Variants in LYRM7 observed in about 807,000 individuals in gnomAD.
LYRM7 encodes LYR motif containing 7, also known as complex III assembly factor LYRM7.
In LYRM7, 9 loss-of-function variants were observed where a neutral mutation model predicts 15.8. That is an observed-to-expected ratio of 0.57 (90% confidence interval 0.34 to 0.99). The LOEUF (loss-of-function observed/expected upper bound fraction) is 0.99, where lower values mean the gene tolerates loss of function less well. Among genes scored for constraint, LYRM7 ranks in the 50% least tolerant of loss-of-function variants. LYRM7 has a pLI of 0.02. For synonymous variants in LYRM7, 39 were observed against 39.4 expected, an observed-to-expected ratio of 0.99 and a Z score of 0.04; for missense variants, 115 against 119.1, an observed-to-expected ratio of 0.97 and a Z score of 0.16.
intron 3 of LYRM7, among the ~76,000 whole-genome samples, chr5:131,185,754 C>G (rs561403435): frequency 6.6e-6 from 1 of 152,262 alleles, no homozygotes; most frequent in South Asian, 2.1e-4. Context: ...GATTACACCA[C>G]TGCACTCCAG....
Position 131,203,405 on chromosome 5 carries a change from C to T in LYRM7, c.*3804C>T, listed in dbSNP as rs959525653. On this transcript the variant is annotated 3_prime_UTR_variant, in exon 5 of 5. Transcript: ENST00000379380. ...CTGGAGATGACAGTTTTTCAAAAAT[C>T]TATTGAGGCCAGGTGCAGTGGCCCA... The T allele has an allele frequency of 2.6e-5, 4 of 152,184 alleles. No individual in the cohort carries two copies. Among genetic ancestry groups the T allele is most frequent in the African/African-American group, 9.7e-5 (4 of 41,448 alleles). The allele number at this position is 152,184 out of a possible 1,614,324, so 9.4% of individuals were successfully genotyped here.
At chr5:131,199,505 T>G in intron 4 of LYRM7, 26 bp from the exon 5 acceptor site, 1 of 1,508,364 alleles carries the variant, frequency 6.6e-7, no homozygotes, top group Non-Finnish European at 9.0e-7. Context: ...TGATGTTAAT[T>G]ATTCTCTTTT....
Position 131,175,749 on chromosome 5 carries a change from G to GGTTTGGTTTTGTTTTGTTTTGTTTT in LYRM7, c.19-4342_19-4341insGGTTTTGTTTTGTTTTGTTTTGTTT, listed in dbSNP as rs138957867. On this transcript the variant is annotated intron_variant, in intron 1 of 4. Coordinates refer to ENST00000379380, the MANE Select transcript of LYRM7 (RefSeq NM_181705.4). ...AGGGTTTGGCCATGTTGCCCAGGCT[G>GGTTTGGTTTTGTTTTGTTTTGTTTT]GTTTTGTTTTGTTTTGTTTTGTTTT... Among the ~76,000 whole-genome samples the GGTTTGGTTTTGTTTTGTTTTGTTTT allele has an allele frequency of 2.2e-3, 335 of 151,108 alleles. 2 individuals are homozygous for GGTTTGGTTTTGTTTTGTTTTGTTTT. Among genetic ancestry groups the GGTTTGGTTTTGTTTTGTTTTGTTTT allele is most frequent in the African/African-American group, 7.2e-3 (295 of 40,808 alleles).
chr5:131,175,012 G>A (rs1755576318), intron 1 of LYRM7, among the ~76,000 whole-genome samples: 1 of 152,080 alleles, frequency 6.6e-6, no homozygotes, highest in African/African-American at 2.4e-5. Context: ...ATTTTGAAAG[G>A]AATCTTTTTT....
chr5:131,193,927 T>C lies in LYRM7; in HGVS notation c.245-5604T>C, dbSNP rs57048051. On this transcript the variant is annotated intron_variant, in intron 4 of 4. Transcript: ENST00000379380. ...AGGAGGCTGAGGCAGGAGAATCGCT[T>C]GAACCCGGGAGGCGGAGGTTGCAGT... Among the ~76,000 whole-genome samples the C allele has an allele frequency of 7.9e-3, 1,201 of 152,188 alleles. 17 individuals carry two copies. The highest frequency in any genetic ancestry group is 0.027 in the African/African-American group (1,112 of 41,536).
chr5:131,204,768 G>T lies in LYRM7; in HGVS notation c.*5167G>T, dbSNP rs1756147466. The T allele has an allele frequency of 6.6e-6, 1 of 151,490 alleles. No homozygotes were observed. The highest frequency in any genetic ancestry group is 1.5e-5 in the Non-Finnish European group (1 of 67,946). 9.4% of individuals were successfully genotyped at this position (151,490 alleles called of 1,614,324 possible). A position where few individuals can be genotyped will look rare whatever the true frequency, so the allele number is the denominator to read the frequency against. On this transcript the variant is annotated 3_prime_UTR_variant, in exon 5 of 5. Coordinates refer to ENST00000379380, the MANE Select transcript of LYRM7 (RefSeq NM_181705.4). ...TGTGTGTGTGTGTGTGTGTAAGCAG[G>T]TGTTGCTAGAAATTCACTTATATAC...
intron 2 of LYRM7, among the ~76,000 whole-genome samples, chr5:131,181,071 A>C (rs1365448842): frequency 6.6e-6 from 1 of 150,838 alleles, no homozygotes; most frequent in Non-Finnish European, 1.5e-5. Flanking sequence ...CAGGCAAATT[A>C]CTTGAGGTCA....
intron 2 of LYRM7, among the ~76,000 whole-genome samples, chr5:131,181,290 A>ATATATATAT: frequency 6.1e-5 from 1 of 16,508 alleles, no homozygotes; most frequent in African/African-American, 1.5e-4. Flanking sequence ...AAAAAAAAAA[A>ATATATATAT]AAAAAAAAAA....
chr5:131,176,288 C>A (rs1406717314), intron 1 of LYRM7, among the ~76,000 whole-genome samples: 1 of 152,142 alleles, frequency 6.6e-6, no homozygotes. Flanking sequence ...GTAGGTTTAA[C>A]TTTTTTTAGC....
chr5:131,173,175 C>T (rs1270143718), intron 1 of LYRM7, among the ~76,000 whole-genome samples: 1 of 152,160 alleles, frequency 6.6e-6, no homozygotes, highest in Non-Finnish European at 1.5e-5. Context: ...ACGATGCTTG[C>T]AAAGCCCGTA....
At chr5:131,171,163 A>G (rs753309656) in intron 1 of LYRM7, 125 bp downstream of exon 1, 266 of 1,032,316 alleles carry the variant, frequency 2.6e-4, no homozygotes, top group Non-Finnish European at 3.3e-4. Context: ...TGTGGCTGTT[A>G]CCCCAGAGAA....
chr5:131,190,245 G>C (rs1755864288), intron 4 of LYRM7, among the ~76,000 whole-genome samples: 1 of 152,142 alleles, frequency 6.6e-6, no homozygotes, highest in Non-Finnish European at 1.5e-5. Context: ...TCCTACGCTG[G>C]AGTGCAGTGG....
intron 3 of LYRM7, 116 bp from the exon 4 acceptor site, chr5:131,186,912 G>A: frequency 1.6e-6 from 1 of 621,416 alleles, no homozygotes. Flanking sequence ...CTGCAGATAA[G>A]GAGAAACTAC....
chr5:131,182,266 TAA>T lies in LYRM7; in HGVS notation c.132_133del (p.Ser45Ter). 1.4e-6 allele frequency: 2 copies of T among 1,436,208 alleles called. No homozygotes were observed. Among genetic ancestry groups the T allele is most frequent in the Non-Finnish European group, 1.9e-6 (2 of 1,058,328 alleles). 89.0% of individuals were successfully genotyped at this position (1,436,208 alleles called of 1,614,324 possible). ...IKINEEFKNN[K>X]SETSSKKIEE... ...AGATAAATGAAGAATTCAAAAATAA[TAA>T]AAGTGAAACTTCTTCTAAGAAAATA... On this transcript the variant is annotated frameshift_variant, in exon 3 of 5. Transcript: ENST00000379380. LOFTEE classifies it high-confidence loss of function.
At chr5:131,188,978 T>C (rs1755840645) in intron 4 of LYRM7, among the ~76,000 whole-genome samples, 1 of 145,290 alleles carries the variant, frequency 6.9e-6, no homozygotes, top group African/African-American at 2.6e-5. Context: ...GAAACCCCAT[T>C]TTCACTAAAA....
At position 131,197,541 on chromosome 5, in the gene LYRM7, C is replaced by CTTTTTTTTTTTT. The variant is rs60003952; in HGVS notation, c.245-1979_245-1968dup. 2.2e-5 allele frequency among the ~76,000 whole-genome samples: 2 copies of CTTTTTTTTTTTT among 90,748 alleles called. 1 individual carries two copies. Among genetic ancestry groups the CTTTTTTTTTTTT allele is most frequent in the Admixed American group, 3.0e-4 (2 of 6,756 alleles). The allele number at this position is 90,748 out of a possible 152,430, so 59.5% of individuals were successfully genotyped here. A position where few individuals can be genotyped will look rare whatever the true frequency, so the allele number is the denominator to read the frequency against. On this transcript the variant is annotated intron_variant, in intron 4 of 4. Coordinates refer to ENST00000379380, the MANE Select transcript of LYRM7 (RefSeq NM_181705.4). ...AATTTGTTTTAGTGTTGTCTTCTGT[C>CTTTTTTTTTTTT]TTTTTTTTTTTTTTTTTTTTTTGAG...
intron 3 of LYRM7, among the ~76,000 whole-genome samples, chr5:131,183,540 G>T (rs952436911): frequency 6.6e-6 from 1 of 152,088 alleles, no homozygotes; most frequent in Non-Finnish European, 1.5e-5. Context: ...TACTTACAGA[G>T]CATTAATTTA....
At chr5:131,182,035 C>T (rs749541296) in intron 2 of LYRM7, among the ~76,000 whole-genome samples, 194 bp from the exon 3 acceptor site, 1 of 152,004 alleles carries the variant, frequency 6.6e-6, no homozygotes, top group African/African-American at 2.4e-5. Flanking sequence ...GTAGGTTTAC[C>T]TACAAACTTG....
intron 3 of LYRM7, 84 bp downstream of exon 3, chr5:131,182,383 A>C: frequency 8.6e-7 from 1 of 1,167,170 alleles, no homozygotes; most frequent in Non-Finnish European, 1.1e-6. Flanking sequence ...GGTTATGTAA[A>C]ATAAAAACCA....
Sources: allele counts gnomAD v4.1 joint callset (sites outside exome capture counted in the v4.1 genomes callset), GRCh38; gene constraint gnomAD v4.1.1; transcripts MANE v1.5; gene names NCBI Gene and HGNC (gene_info 2026-07-23, HGNC 2026-07-21).